P3H2: variants seen among roughly 807,000 people sequenced by gnomAD.
P3H2 encodes prolyl 3-hydroxylase 2.
In P3H2, 80 loss-of-function variants were observed where a neutral mutation model predicts 87.0. The ratio of observed to expected loss-of-function variants is 0.92; its 90% confidence interval spans 0.77 to 1.11. P3H2 has a LOEUF of 1.11. P3H2 is among the 50% of genes least tolerant of loss of function. The pLI, the probability that P3H2 is intolerant of heterozygous loss-of-function variation, is 0.00. For missense variants in P3H2, 1,001 were observed against 923.9 expected, an observed-to-expected ratio of 1.08 and a Z score of -1.08; for synonymous variants, 367 against 359.3, an observed-to-expected ratio of 1.02 and a Z score of -0.24.
At chr3:190,014,242 A>C (rs1724683486) in intron 1 of P3H2, among the ~76,000 whole-genome samples, 1 of 152,224 alleles carries the variant, frequency 6.6e-6, no homozygotes, top group South Asian at 2.1e-4. Context: ...AGTCTTTGTA[A>C]AGTTACAGGA....
At chr3:190,093,427 G>A (rs1166910011) in intron 1 of P3H2, among the ~76,000 whole-genome samples, 5 of 152,214 alleles carry the variant, frequency 3.3e-5, no homozygotes, top group East Asian at 3.8e-4. Context: ...AAAGAGGAAC[G>A]AAGGCCATAG....
intron 1 of P3H2, among the ~76,000 whole-genome samples, chr3:190,032,615 C>A (rs560459178): frequency 1.3e-5 from 2 of 152,288 alleles, no homozygotes; most frequent in East Asian, 3.9e-4. Flanking sequence ...TTTATGGGTA[C>A]ATTTAGAGCT....
intron 1 of P3H2, among the ~76,000 whole-genome samples, chr3:190,118,914 G>A (rs1199441395): frequency 1.3e-5 from 2 of 151,626 alleles, no homozygotes; most frequent in East Asian, 3.9e-4. Flanking sequence ...CCAACATGGT[G>A]AAACCCCTTC....
chr3:189,983,339 C>T (rs1320081784), intron 7 of P3H2, 199 bp from the exon 8 acceptor site: 1 of 580,598 alleles, frequency 1.7e-6, no homozygotes, highest in Non-Finnish European at 3.1e-6. Context: ...CCTTATTTCA[C>T]TCCTCTAAAT....
chr3:190,120,634 TC>T lies in P3H2; in HGVS notation c.97del (p.Glu33SerfsTer171). 6.5e-7 allele frequency: 1 copy of T among 1,530,448 alleles called. No homozygotes were observed. The allele number at this position is 1,530,448 out of a possible 1,614,324, so 94.8% of individuals were successfully genotyped here. On this transcript the variant is annotated frameshift_variant, in exon 1 of 15. Transcript: ENST00000319332. LOFTEE classifies it high-confidence loss of function. The part of the protein sequence containing the change: ...WGGPPDSPRR[E>X]LELEPGPLQP... Reference sequence around the variant, plus strand: ...CAGAGGCCCGGGCTCCAGCTCCAGCTCCCGGCGTGGGCTGTCCGGGGGGCCG... The same window carrying T: ...CAGAGGCCCGGGCTCCAGCTCCAGCTCCGGCGTGGGCTGTCCGGGGGGCCG...
At chr3:190,041,097 A>C (rs1313763456) in intron 1 of P3H2, among the ~76,000 whole-genome samples, 2,482 of 29,314 alleles carry the variant, frequency 0.085, 275 homozygotes, top group African/African-American at 0.22. Context: ...CTCTCTATAT[A>C]TATATATATA....
intron 1 of P3H2, among the ~76,000 whole-genome samples, chr3:190,009,395 G>A (rs1041640019): frequency 1.3e-5 from 2 of 152,172 alleles, no homozygotes; most frequent in African/African-American, 4.8e-5. Context: ...GTCTACGAGA[G>A]AGCTGGATTA....
At chr3:189,979,505 A>G (rs1374263895) in intron 8 of P3H2, among the ~76,000 whole-genome samples, 4 of 152,124 alleles carry the variant, frequency 2.6e-5, no homozygotes, top group African/African-American at 9.7e-5. Flanking sequence ...GATAAAAATC[A>G]TAGGGCCCAG....
chr3:190,100,684 C>A (rs1363185202), intron 1 of P3H2, among the ~76,000 whole-genome samples: 8 of 152,072 alleles, frequency 5.3e-5, no homozygotes, highest in Non-Finnish European at 1.2e-4. Flanking sequence ...ATGTTCCACC[C>A]AATTTCATGC....
Position 190,022,182 on chromosome 3 carries a change from A to G in P3H2, c.481-26740T>C, listed in dbSNP as rs978928965. Among the ~76,000 whole-genome samples, 3 of 135,654 alleles carry G rather than the reference A, an allele frequency of 2.2e-5. 1 individual carries two copies. The highest frequency in any genetic ancestry group is 7.6e-5 in the African/African-American group (3 of 39,252). 89.0% of individuals were successfully genotyped at this position (135,654 alleles called of 152,430 possible). ...ATTTTTCTTATAGTAAACATTAAAG[A>G]GCATCTCACAAATAATATTCCATAT... On this transcript the variant is annotated intron_variant, in intron 1 of 14. Coordinates refer to ENST00000319332, the MANE Select transcript of P3H2 (RefSeq NM_018192.4).
chr3:190,024,944 C>T (rs2108943223), intron 1 of P3H2, among the ~76,000 whole-genome samples: 1 of 152,174 alleles, frequency 6.6e-6, no homozygotes. Flanking sequence ...GTCCTTGATA[C>T]CCAGAGGAAA....
intron 1 of P3H2, among the ~76,000 whole-genome samples, chr3:190,054,466 T>C (rs766162839): frequency 3.9e-5 from 6 of 152,130 alleles, no homozygotes; most frequent in Non-Finnish European, 8.8e-5. Context: ...TTGGGAGAGA[T>C]ACTACTGGGC....
intron 1 of P3H2, among the ~76,000 whole-genome samples, chr3:190,004,994 TTTGTCACAAATCAC>T (rs1247313172): frequency 2.0e-5 from 3 of 152,196 alleles, no homozygotes; most frequent in East Asian, 1.9e-4. Flanking sequence ...ATCATTTGAA[TTTGTCACAAATCAC>T]TTGTCACAAA....
chr3:190,080,398 T>G (rs1002921173), intron 1 of P3H2, among the ~76,000 whole-genome samples: 1 of 152,044 alleles, frequency 6.6e-6, no homozygotes, highest in African/African-American at 2.4e-5. Flanking sequence ...TTTTTTCTTT[T>G]TCTTTTCCTT....
At chr3:190,026,431 A>C (rs1309298267) in intron 1 of P3H2, among the ~76,000 whole-genome samples, 1 of 152,024 alleles carries the variant, frequency 6.6e-6, no homozygotes, top group African/African-American at 2.4e-5. Flanking sequence ...TGCAGTAAAA[A>C]CGCCAGCTAA....
At chr3:190,091,959 G>A (rs1184357948) in intron 1 of P3H2, among the ~76,000 whole-genome samples, 1 of 152,158 alleles carries the variant, frequency 6.6e-6, no homozygotes, top group Non-Finnish European at 1.5e-5. Flanking sequence ...CCAGCCATGC[G>A]CAGTGGCTCA....
intron 1 of P3H2, among the ~76,000 whole-genome samples, chr3:190,030,459 G>A (rs944898034): frequency 6.6e-6 from 1 of 152,150 alleles, no homozygotes; most frequent in African/African-American, 2.4e-5. Context: ...GGAGGCTGAG[G>A]TGGGAGAATC....
chr3:190,089,827 C>T (rs762193180), intron 1 of P3H2, among the ~76,000 whole-genome samples: 1 of 152,076 alleles, frequency 6.6e-6, no homozygotes, highest in Non-Finnish European at 1.5e-5. Flanking sequence ...GACTTGCATA[C>T]CACAAGGCTA....
intron 1 of P3H2, among the ~76,000 whole-genome samples, chr3:190,040,180 G>A (rs555987257): frequency 7.2e-5 from 11 of 152,240 alleles, no homozygotes; most frequent in African/African-American, 2.4e-5. Flanking sequence ...ATATCCAGGC[G>A]ACCATCAGTT....
Sources: allele counts gnomAD v4.1 joint callset (sites outside exome capture counted in the v4.1 genomes callset), GRCh38; gene constraint gnomAD v4.1.1; transcripts MANE v1.5; gene names NCBI Gene and HGNC (gene_info 2026-07-23, HGNC 2026-07-21).